SLC22A4: variants seen among roughly 807,000 people sequenced by gnomAD.
The protein encoded by SLC22A4 is ET transporter.
Under a neutral mutation model 56.6 loss-of-function variants are expected in SLC22A4, and 39 were observed. That is an observed-to-expected ratio of 0.69 (90% CI 0.53 to 0.90). The LOEUF is 0.90. SLC22A4 is among the 40% of genes least tolerant of loss of function. The pLI, the probability that SLC22A4 is intolerant of heterozygous loss-of-function variation, is 0.00. For missense variants in SLC22A4, 594 were observed against 696.5 expected (o/e 0.85, Z 1.66); for synonymous variants, 241 against 281.4 (o/e 0.86, Z 1.44).
At chr5:132,324,650 T>C (rs1750638990) in intron 4 of SLC22A4, 1 of 462,574 alleles carries the variant, frequency 2.2e-6, no homozygotes, top group African/African-American at 2.0e-5. Flanking sequence ...CAGGTGGGTC[T>C]TCCCAAAGGG....
At chr5:132,339,630 G>C (rs553427392) in intron 8 of SLC22A4, among the ~76,000 whole-genome samples, 1 of 152,176 alleles carries the variant, frequency 6.6e-6, no homozygotes, top group Non-Finnish European at 1.5e-5. Flanking sequence ...AGATTATACA[G>C]AGTGGTGTTA....
At chr5:132,336,094 G>A (rs1308695804) in intron 8 of SLC22A4, 94 bp downstream of exon 8, 7 of 1,324,958 alleles carry the variant, frequency 5.3e-6, no homozygotes, top group South Asian at 1.2e-5. Flanking sequence ...AGCATAGAAT[G>A]TACTGGAAAA....
In SLC22A4 at chr5:132,340,718, C is replaced by T. The variant is rs765669956; in HGVS notation, c.1580+18C>T. 21 of 1,610,932 alleles carry T rather than the reference C, an allele frequency of 1.3e-5. No individual in the cohort carries two copies. Among genetic ancestry groups the T allele is most frequent in the Non-Finnish European group, 1.8e-5 (21 of 1,177,192 alleles). On this transcript the variant is annotated intron_variant, in intron 9 of 9. Coordinates refer to ENST00000200652, the MANE Select transcript of SLC22A4 (RefSeq NM_003059.3). ...GTGAAATGGTAAGTAGGACTTTTAA[C>T]AAAATGATACCAAAATGCCTTAGGG...
chr5:132,316,966 A>AG (rs1750378656), intron 3 of SLC22A4, among the ~76,000 whole-genome samples: 1 of 152,188 alleles, frequency 6.6e-6, no homozygotes, highest in Non-Finnish European at 1.5e-5. Flanking sequence ...AAGTGCCAGC[A>AG]GGGTTGGTGT....
chr5:132,341,840 G>C (rs977042317), intron 9 of SLC22A4, among the ~76,000 whole-genome samples: 1 of 151,892 alleles, frequency 6.6e-6, no homozygotes, highest in Non-Finnish European at 1.5e-5. Context: ...CCCAGCTCGC[G>C]GGAGGCTGAG....
intron 8 of SLC22A4, among the ~76,000 whole-genome samples, chr5:132,337,973 G>C (rs1345667470): frequency 1.5e-4 from 23 of 150,684 alleles, no homozygotes; most frequent in Non-Finnish European, 3.1e-4. Flanking sequence ...TCAAACCCCT[G>C]ACCTCAGGTG....
rs574599210 is a variant in SLC22A4 at position 132,336,150 on chromosome 5, C to T, written c.1444+150C>T. On this transcript the variant is annotated intron_variant, in intron 8 of 9. Coordinates refer to ENST00000200652, the MANE Select transcript of SLC22A4 (RefSeq NM_003059.3). ...TCTCCCAGGAGGAGCTCTAGAAAGC[C>T]AATCACAAACTGGTGAGTAGCGCTA... The T allele has an allele frequency of 1.3e-5, 10 of 771,636 alleles. No homozygotes were observed. The African/African-American group carries it at 1.5e-4, about 12-fold the overall frequency. 47.8% of individuals were successfully genotyped at this position (771,636 alleles called of 1,614,324 possible).
Position 132,327,133 on chromosome 5 carries a change from C to T in SLC22A4, c.825-144C>T, listed in dbSNP as rs544726117. 201 of 629,018 alleles carry T rather than the reference C, an allele frequency of 3.2e-4. 2 individuals carry two copies. Among genetic ancestry groups the T allele is most frequent in the Admixed American group, 2.5e-4 (8 of 32,452 alleles). The allele number at this position is 629,018 out of a possible 1,614,324, so 39.0% of individuals were successfully genotyped here. On this transcript the variant is annotated intron_variant, in intron 4 of 9. Coordinates refer to ENST00000200652, the MANE Select transcript of SLC22A4 (RefSeq NM_003059.3). ...GAAGGTGGTTTTATTTATTCCTATG[C>T]TCCAATAGAAATCTTATGTGGACTC...
chr5:132,321,292 G>GGCCT (rs1285696791), intron 3 of SLC22A4, among the ~76,000 whole-genome samples: 1 of 152,144 alleles, frequency 6.6e-6, no homozygotes, highest in African/African-American at 2.4e-5. Context: ...GCTGCAGGAA[G>GGCCT]GCCTGTCTGT....
rs144605150 is a variant in SLC22A4, at chr5:132,306,736, G to A, written c.394-5425G>A. 5.7e-3 allele frequency among the ~76,000 whole-genome samples: 860 copies of A among 151,892 alleles called. 4 individuals carry two copies. The highest frequency in any genetic ancestry group is 0.019 in the East Asian group (100 of 5,174). ...GCTGGGATTACAGGTGTGACCCACC[G>A]CACCCAGCCCAAACCATGGCATATT... On this transcript the variant is annotated intron_variant, in intron 1 of 9. Transcript: ENST00000200652.
intron 6 of SLC22A4, among the ~76,000 whole-genome samples, chr5:132,333,664 T>C (rs150135804): frequency 1.5e-3 from 235 of 151,832 alleles, no homozygotes; most frequent in African/African-American, 5.5e-3. Flanking sequence ...AAGGCTATAA[T>C]TGCACTTCTA....
intron 1 of SLC22A4, among the ~76,000 whole-genome samples, chr5:132,305,863 G>A (rs1210767214): frequency 1.3e-5 from 2 of 152,194 alleles, no homozygotes; most frequent in African/African-American, 4.8e-5. Context: ...AAATGTCATT[G>A]AAAGAAATTC....
chr5:132,314,005 AC>A (rs1474803833), intron 3 of SLC22A4, among the ~76,000 whole-genome samples: 1 of 152,192 alleles, frequency 6.6e-6, no homozygotes, highest in East Asian at 1.9e-4. Context: ...GCCATTAAGA[AC>A]CAGCTGCACA....
intron 5 of SLC22A4, among the ~76,000 whole-genome samples, chr5:132,330,783 T>C (rs1022501132): frequency 6.6e-6 from 1 of 152,136 alleles, no homozygotes; most frequent in Non-Finnish European, 1.5e-5. Flanking sequence ...AACCCATTGA[T>C]AGCAGTAAGG....
intron 2 of SLC22A4, 29 bp from the exon 3 acceptor site, chr5:132,313,585 C>T (rs1561538561): frequency 1.2e-6 from 2 of 1,612,426 alleles, no homozygotes; most frequent in Non-Finnish European, 8.5e-7. Context: ...CTACACATCT[C>T]ATGTTTTGTG....
intron 5 of SLC22A4, among the ~76,000 whole-genome samples, chr5:132,328,891 A>AGGTG (rs1750767752): frequency 2.6e-5 from 1 of 38,294 alleles, no homozygotes; most frequent in African/African-American, 1.2e-4. Flanking sequence ...GTGTATATAT[A>AGGTG]TGTGTGTATG....
At chr5:132,326,640 G>A (rs1014468670) in intron 4 of SLC22A4, among the ~76,000 whole-genome samples, 1 of 152,230 alleles carries the variant, frequency 6.6e-6, no homozygotes, top group Non-Finnish European at 1.5e-5. Context: ...AATAGACTAT[G>A]TAATTTAAAA....
chr5:132,321,286 C>T (rs1171803984), intron 3 of SLC22A4, among the ~76,000 whole-genome samples: 1 of 152,152 alleles, frequency 6.6e-6, no homozygotes, highest in Non-Finnish European at 1.5e-5. Context: ...CAGCATGCTG[C>T]AGGAAGGCCT....
intron 1 of SLC22A4, among the ~76,000 whole-genome samples, chr5:132,303,365 C>T (rs755863253): frequency 9.9e-5 from 15 of 152,110 alleles, no homozygotes; most frequent in Non-Finnish European, 1.8e-4. Context: ...TCAAGAAAGT[C>T]GACTATACCT....
Sources: allele counts gnomAD v4.1 joint callset (sites outside exome capture counted in the v4.1 genomes callset), GRCh38; gene constraint gnomAD v4.1.1; transcripts MANE v1.5; gene names NCBI Gene and HGNC (gene_info 2026-07-23, HGNC 2026-07-21).